The following PTPRG variants were observed in gnomAD, a reference collection of about 807,000 sequenced individuals.
PTPRG encodes protein tyrosine phosphatase receptor type G, also known as receptor-type tyrosine-protein phosphatase gamma.
In PTPRG, 102 loss-of-function variants were observed where a neutral mutation model predicts 165.3. The observed-to-expected ratio is 0.62, with a 90% CI of 0.53 to 0.73. The LOEUF is 0.73. PTPRG is among the 30% of genes least tolerant of loss of function. The pLI is 0.00. For missense variants in PTPRG, 1,866 were observed against 1,861.4 expected, an observed-to-expected ratio of 1.00 and a Z score of -0.05; for synonymous variants, 675 against 669.5, an observed-to-expected ratio of 1.01 and a Z score of -0.13.
At chr3:62,241,561 C>G (rs1178889130) in intron 14 of PTPRG, among the ~76,000 whole-genome samples, 2 of 151,986 alleles carry the variant, frequency 1.3e-5, no homozygotes, top group Non-Finnish European at 2.9e-5. Flanking sequence ...GTACACACTG[C>G]TTTTTTCAAA....
chr3:62,149,297 A>C (rs890369444), intron 6 of PTPRG, among the ~76,000 whole-genome samples: 3 of 142,234 alleles, frequency 2.1e-5, no homozygotes, highest in African/African-American at 7.7e-5. Flanking sequence ...CCCTCAAGGC[A>C]AGAGTCTCAC....
intron 2 of PTPRG, among the ~76,000 whole-genome samples, chr3:61,904,974 GCTGT>G (rs1239512324): frequency 3.3e-5 from 5 of 151,570 alleles, no homozygotes; most frequent in Admixed American, 2.6e-4. Flanking sequence ...TTTGGTTCCT[GCTGT>G]CTGTCTTTTC....
intron 2 of PTPRG, among the ~76,000 whole-genome samples, chr3:61,946,567 T>G (rs1229197088): frequency 6.6e-6 from 1 of 152,226 alleles, no homozygotes; most frequent in Admixed American, 6.5e-5. Flanking sequence ...GTGCTGTGCA[T>G]GGTTGAATTT....
chr3:62,082,621 C>T (rs1396206202), intron 5 of PTPRG, among the ~76,000 whole-genome samples: 6 of 152,184 alleles, frequency 3.9e-5, no homozygotes, highest in South Asian at 2.1e-4. Flanking sequence ...TTCACATCAA[C>T]GTGATCTTAA....
At chr3:61,709,222 A>G (rs904296544) in intron 1 of PTPRG, among the ~76,000 whole-genome samples, 1 of 152,354 alleles carries the variant, frequency 6.6e-6, no homozygotes, top group Non-Finnish European at 1.5e-5. Context: ...TGCGTGTGAC[A>G]TGTCAGCCTG....
intron 5 of PTPRG, among the ~76,000 whole-genome samples, chr3:62,092,354 C>T (rs977016908): frequency 4.2e-5 from 6 of 144,438 alleles, no homozygotes; most frequent in South Asian, 2.3e-4. Context: ...GCAGGAGAAT[C>T]GCTTGAACCC....
chr3:61,941,129 G>C (rs1044767937), intron 2 of PTPRG, among the ~76,000 whole-genome samples: 1 of 152,172 alleles, frequency 6.6e-6, no homozygotes, highest in Non-Finnish European at 1.5e-5. Flanking sequence ...TCACAAACTT[G>C]TTGTGTGGAT....
intron 1 of PTPRG, among the ~76,000 whole-genome samples, chr3:61,605,342 G>GA (rs1700972470): frequency 6.6e-6 from 1 of 151,872 alleles, no homozygotes; most frequent in Non-Finnish European, 1.5e-5. Flanking sequence ...TGCAACCTCT[G>GA]CCTCCCAGGT....
At chr3:61,598,797 G>A (rs9808954) in intron 1 of PTPRG, among the ~76,000 whole-genome samples, 21,549 of 151,982 alleles carry the variant, frequency 0.14, 1,992 homozygotes, top group African/African-American at 0.25. Context: ...AATCTGTTCC[G>A]TGCCCTCCCC....
Position 61,624,626 on chromosome 3 carries a change from GT to G in PTPRG, c.85+62257del, listed in dbSNP as rs1465937420. On this transcript the variant is annotated intron_variant, in intron 1 of 29. Transcript: ENST00000474889. Reference sequence around the variant, plus strand: ...TATGAAAGAAAATTAACCCTTATATGTTTAAGCCTCTGATAGCAGCAGCAGA... The same window carrying G: ...TATGAAAGAAAATTAACCCTTATATGTTAAGCCTCTGATAGCAGCAGCAGA... Among the ~76,000 whole-genome samples the G allele has an allele frequency of 7.9e-5, 12 of 152,088 alleles. No individual in the cohort carries two copies. The East Asian group carries it at 2.3e-3, about 29-fold the overall frequency.
intron 5 of PTPRG, among the ~76,000 whole-genome samples, chr3:62,094,698 G>A (rs77731818): frequency 0.014 from 2,062 of 152,286 alleles, 44 homozygotes; most frequent in African/African-American, 0.047. Flanking sequence ...CTAGTCCAAC[G>A]TCCCCACTGA....
At chr3:62,153,269 C>A (rs140800308) in intron 6 of PTPRG, among the ~76,000 whole-genome samples, 21 of 152,334 alleles carry the variant, frequency 1.4e-4, no homozygotes, top group African/African-American at 4.6e-4. Context: ...CTTGATAAAT[C>A]TGGGCTTACA....
chr3:61,695,220 A>C (rs1357599422), intron 1 of PTPRG, among the ~76,000 whole-genome samples: 1 of 152,178 alleles, frequency 6.6e-6, no homozygotes, highest in Non-Finnish European at 1.5e-5. Flanking sequence ...CATGTTGCCA[A>C]GGCTGGTCTC....
chr3:61,932,832 C>T (rs7628108), intron 2 of PTPRG, among the ~76,000 whole-genome samples: 1,707 of 152,240 alleles, frequency 0.011, 24 homozygotes, highest in South Asian at 0.075. Context: ...GTTTTTCAGG[C>T]GCAGCATTCT....
At chr3:61,621,958 T>C (rs1413353388) in intron 1 of PTPRG, among the ~76,000 whole-genome samples, 1 of 152,190 alleles carries the variant, frequency 6.6e-6, no homozygotes, top group African/African-American at 2.4e-5. Flanking sequence ...GGGGTAATTA[T>C]TATCTCCACA....
chr3:62,284,058 T>G (rs1702549157), intron 28 of PTPRG, among the ~76,000 whole-genome samples: 1 of 152,080 alleles, frequency 6.6e-6, no homozygotes, highest in African/African-American at 2.4e-5. Flanking sequence ...AGCATAAAGT[T>G]AGGGCATTTT....
chr3:61,646,601 A>G (rs1318070988), intron 1 of PTPRG, among the ~76,000 whole-genome samples: 2 of 152,214 alleles, frequency 1.3e-5, no homozygotes, highest in Non-Finnish European at 2.9e-5. Flanking sequence ...GACATTATCA[A>G]TTCACAGACT....
At chr3:61,967,951 A>G (rs940013968) in intron 2 of PTPRG, among the ~76,000 whole-genome samples, 5 of 152,184 alleles carry the variant, frequency 3.3e-5, no homozygotes, top group African/African-American at 1.2e-4. Context: ...ATAGTATGTG[A>G]GTAAGTTTAG....
chr3:62,063,089 A>G (rs1700873841), intron 4 of PTPRG, among the ~76,000 whole-genome samples: 1 of 152,248 alleles, frequency 6.6e-6, no homozygotes, highest in Non-Finnish European at 1.5e-5. Flanking sequence ...TCAATTTTGC[A>G]TATTTGGAAA....
Sources: allele counts gnomAD v4.1 joint callset (sites outside exome capture counted in the v4.1 genomes callset), GRCh38; gene constraint gnomAD v4.1.1; transcripts MANE v1.5; gene names NCBI Gene and HGNC (gene_info 2026-07-23, HGNC 2026-07-21).